Variants in RB1 observed in about 807,000 individuals in gnomAD.
RB1 encodes the protein retinoblastoma-associated protein.
Under a neutral mutation model 135.4 loss-of-function variants are expected in RB1, and 18 were observed. That is an observed-to-expected ratio of 0.13 (90% CI 0.09 to 0.20). The LOEUF (loss-of-function observed/expected upper bound fraction) is 0.20, where lower values mean the gene tolerates loss of function less well. RB1 is among the 10% of genes least tolerant of loss of function. The probability of loss-of-function intolerance (pLI) is 1.00; values close to 1 mark genes in which losing one functional copy is unlikely to be tolerated. For missense variants in RB1, 868 were observed against 1,110.0 expected (o/e 0.78, Z 3.10); for synonymous variants, 365 against 373.2 (o/e 0.98, Z 0.25).
At chr13:48,358,951 C>G (rs1952614897) in intron 6 of RB1, among the ~76,000 whole-genome samples, 1 of 152,106 alleles carries the variant, frequency 6.6e-6, no homozygotes, top group South Asian at 2.1e-4. Flanking sequence ...ATATTGCAGA[C>G]ATATTTTTTG....
In RB1 at chr13:48,412,048, TCTTTGA is replaced by T. The variant is rs758838146; in HGVS notation, c.1695+30609_1695+30614del. Reference sequence around the variant, plus strand: ...TTTGCATTTCTTTTGGTTCTTAGAGTCTTTGACTTAAATGGGTAGACAATTGCCAGA... The same window carrying T: ...TTTGCATTTCTTTTGGTTCTTAGAGTCTTAAATGGGTAGACAATTGCCAGA... On this transcript the variant is annotated intron_variant, in intron 17 of 26. Transcript: ENST00000267163. The T allele has an allele frequency of 4.7e-5, 76 of 1,612,964 alleles. No individual in the cohort carries two copies. The highest frequency in any genetic ancestry group is 7.6e-6 in the Non-Finnish European group (9 of 1,179,694).
At chr13:48,360,819 T>A (rs1040364222) in intron 7 of RB1, 2 of 152,094 alleles carry the variant, frequency 1.3e-5, no homozygotes, top group Non-Finnish European at 2.9e-5. Context: ...TATATTATTA[T>A]ATACAGAAAA....
chr13:48,316,745 A>G (rs1372470497), intron 2 of RB1: 2 of 146,822 alleles, frequency 1.4e-5, no homozygotes, highest in Admixed American at 6.8e-5. Context: ...ACACACACAC[A>G]CACACACACA....
intron 17 of RB1, among the ~76,000 whole-genome samples, chr13:48,390,690 C>A (rs1948604765): frequency 6.6e-6 from 1 of 152,178 alleles, no homozygotes; most frequent in South Asian, 2.1e-4. Flanking sequence ...GAATTTACCT[C>A]TTTAATCATT....
At chr13:48,364,846 A>AT (rs1465991853) in intron 8 of RB1, 48 bp from the exon 9 acceptor site, 7 of 1,537,198 alleles carry the variant, frequency 4.6e-6, no homozygotes, top group Middle Eastern at 1.7e-4. Context: ...AAGAGATTAG[A>AT]TTTTGTTTTA....
chr13:48,303,824 G>A lies in RB1; in HGVS notation c.-89G>A. 2.7e-6 allele frequency: 4 copies of A among 1,469,660 alleles called. No individual in the cohort carries two copies. Among genetic ancestry groups the A allele is most frequent in the Non-Finnish European group, 3.6e-6 (4 of 1,114,818 alleles). The allele number at this position is 1,469,660 out of a possible 1,614,324, so 91.0% of individuals were successfully genotyped here. A position where few individuals can be genotyped will look rare whatever the true frequency, so the allele number is the denominator to read the frequency against. On this transcript the variant is annotated 5_prime_UTR_variant, in exon 1 of 27. Transcript: ENST00000267163. Reference sequence around the variant, plus strand: ...AAATTATTTTTGTAACGGGAGTCGGGAGAGGACGGGGCGTGCCCCGACGTG... The same window carrying A: ...AAATTATTTTTGTAACGGGAGTCGGAAGAGGACGGGGCGTGCCCCGACGTG...
At chr13:48,383,164 AT>A (rs909253777) in intron 17 of RB1, among the ~76,000 whole-genome samples, 5 of 151,962 alleles carry the variant, frequency 3.3e-5, no homozygotes, top group African/African-American at 4.8e-5. Flanking sequence ...TAAAAAGTGC[AT>A]TTTTTTCTTG....
At chr13:48,397,207 C>T (rs1948655507) in intron 17 of RB1, among the ~76,000 whole-genome samples, 1 of 152,120 alleles carries the variant, frequency 6.6e-6, no homozygotes, top group Non-Finnish European at 1.5e-5. Flanking sequence ...ATGTTTATTG[C>T]AGCACTATTC....
rs1401773463 is a variant in RB1, at chr13:48,380,273, G to A, written c.1498+32G>A. The A allele has an allele frequency of 2.0e-6, 3 of 1,478,972 alleles. No individual in the cohort carries two copies. In the African/African-American group the frequency reaches 4.2e-5, roughly 21 times the overall value. The allele number at this position is 1,478,972 out of a possible 1,614,324, so 91.6% of individuals were successfully genotyped here. ...TAAATTTTCATAAATAAACACTTTT[G>A]TTCAATTTAAAGTTAAAATGTGGTG... On this transcript the variant is annotated intron_variant, in intron 16 of 26. Transcript: ENST00000267163.
At chr13:48,392,370 C>CA (rs1948617540) in intron 17 of RB1, among the ~76,000 whole-genome samples, 1 of 152,196 alleles carries the variant, frequency 6.6e-6, no homozygotes, top group Non-Finnish European at 1.5e-5. Flanking sequence ...CTTGGCTTCC[C>CA]AAAGTGCTGG....
intron 18 of RB1, among the ~76,000 whole-genome samples, chr13:48,454,624 A>G (rs1396733189): frequency 6.6e-6 from 1 of 152,112 alleles, no homozygotes; most frequent in African/African-American, 2.4e-5. Context: ...TTAGAGTATA[A>G]TAAGTGCTAC....
At chr13:48,359,239 C>T (rs1952617417) in intron 6 of RB1, among the ~76,000 whole-genome samples, 1 of 151,798 alleles carries the variant, frequency 6.6e-6, no homozygotes, top group Non-Finnish European at 1.5e-5. Context: ...TTTATTTTCT[C>T]ACAGCCATCT....
At chr13:48,437,588 G>T (rs768468326) in intron 17 of RB1, among the ~76,000 whole-genome samples, 1 of 152,148 alleles carries the variant, frequency 6.6e-6, no homozygotes, top group Non-Finnish European at 1.5e-5. Context: ...AAGTTCACTC[G>T]TGTGGTTGTT....
intron 17 of RB1, among the ~76,000 whole-genome samples, chr13:48,392,172 A>T (rs1948615742): frequency 6.6e-6 from 1 of 151,354 alleles, no homozygotes; most frequent in Non-Finnish European, 1.5e-5. Flanking sequence ...GTGCAGTGGC[A>T]TGATCCCAGC....
At chr13:48,428,959 G>C (rs1949103378) in intron 17 of RB1, among the ~76,000 whole-genome samples, 1 of 152,096 alleles carries the variant, frequency 6.6e-6, no homozygotes, top group Non-Finnish European at 1.5e-5. Context: ...AAAAAGGATT[G>C]GTCTCTCAGG....
intron 2 of RB1, among the ~76,000 whole-genome samples, chr13:48,330,885 T>G (rs1475283802): frequency 6.6e-6 from 1 of 152,162 alleles, no homozygotes; most frequent in Non-Finnish European, 1.5e-5. Flanking sequence ...GATGAACATA[T>G]GTGCAAAAAT....
chr13:48,459,096 G>T (rs1949379657), intron 19 of RB1, among the ~76,000 whole-genome samples: 1 of 152,100 alleles, frequency 6.6e-6, no homozygotes, highest in Non-Finnish European at 1.5e-5. Context: ...TAATTTTACA[G>T]TGTCTTATGA....
rs76016045 is a variant in RB1, at chr13:48,317,383, G to C, written c.264+9977G>C. On this transcript the variant is annotated intron_variant, in intron 2 of 26. Transcript: ENST00000267163. ...CGCATCTCTACTTTCCGAGCGCAGCGCGCACGGGTTCCGGTGGGTGAAGTC... is the reference window on the plus strand; with the variant it reads ...CGCATCTCTACTTTCCGAGCGCAGCCCGCACGGGTTCCGGTGGGTGAAGTC... The C allele has an allele frequency of 7.6e-3, 2,950 of 388,034 alleles. 75 individuals are homozygous for C. Among genetic ancestry groups the C allele is most frequent in the African/African-American group, 0.053 (2,550 of 47,858 alleles). 24.0% of individuals were successfully genotyped at this position (388,034 alleles called of 1,614,324 possible).
At chr13:48,344,000 T>G (rs1952470439) in intron 3 of RB1, among the ~76,000 whole-genome samples, 1 of 152,196 alleles carries the variant, frequency 6.6e-6, no homozygotes, top group South Asian at 2.1e-4. Flanking sequence ...TATAACTCAT[T>G]GGTTGCTGGA....
Sources: allele counts gnomAD v4.1 joint callset (sites outside exome capture counted in the v4.1 genomes callset), GRCh38; gene constraint gnomAD v4.1.1; transcripts MANE v1.5; gene names NCBI Gene and HGNC (gene_info 2026-07-23, HGNC 2026-07-21).